Variants in OR6N1 observed in about 807,000 individuals in gnomAD.
OR6N1 encodes the protein olfactory receptor 6N1.
For missense variants in OR6N1, 394 were observed against 371.7 expected, an observed-to-expected ratio of 1.06 and a Z score of -0.49; for synonymous variants, 170 against 150.7, an observed-to-expected ratio of 1.13 and a Z score of -0.94.
the OR6N1 span, among the ~76,000 whole-genome samples, chr1:158,804,899 T>C: frequency 6.6e-6 from 1 of 152,150 alleles, no homozygotes; most frequent in Non-Finnish European, 1.5e-5. Flanking sequence ...TTGCTTCCCT[T>C]AAGATATTTA....
At chr1:158,772,849 C>T (rs959225092), upstream of OR6N1, among the ~76,000 whole-genome samples, 15 of 152,090 alleles carry the variant, frequency 9.9e-5, no homozygotes, top group African/African-American at 3.6e-4. Flanking sequence ...ATACTCTTGC[C>T]ACAAAATAAA....
chr1:158,822,249 G>C, the OR6N1 span, among the ~76,000 whole-genome samples: 2 of 152,064 alleles, frequency 1.3e-5, no homozygotes, highest in African/African-American at 4.8e-5. Context: ...GAGTGTCATA[G>C]GTCATTTGAT....
chr1:158,802,473 T>G, the OR6N1 span, among the ~76,000 whole-genome samples: 5 of 152,002 alleles, frequency 3.3e-5, no homozygotes, highest in Admixed American at 2.6e-4. Flanking sequence ...CTCCCCGTCA[T>G]AGCTTTTCAT....
chr1:158,769,331 T>G (rs1160973801), intron 1 of OR6N1, among the ~76,000 whole-genome samples: 1 of 151,930 alleles, frequency 6.6e-6, no homozygotes, highest in South Asian at 2.1e-4. Flanking sequence ...GCCTGGCTAA[T>G]TTTTGTGTTT....
the OR6N1 span, among the ~76,000 whole-genome samples, chr1:158,784,097 C>T: frequency 2.6e-5 from 4 of 151,970 alleles, no homozygotes; most frequent in Admixed American, 6.5e-5. Context: ...CGGAGCGAGA[C>T]TCCCTCTAAA....
the OR6N1 span, among the ~76,000 whole-genome samples, chr1:158,785,514 T>TAAC: frequency 0.12 from 18,940 of 152,128 alleles, 1,528 homozygotes; most frequent in South Asian, 0.35. Flanking sequence ...TAAATTCTCC[T>TAAC]AACAATACTC....
chr1:158,814,958 C>T, the OR6N1 span, among the ~76,000 whole-genome samples: 3 of 152,142 alleles, frequency 2.0e-5, no homozygotes, highest in East Asian at 5.8e-4. Context: ...TCCACTTGGT[C>T]ATTCAAAGGA....
the OR6N1 span, among the ~76,000 whole-genome samples, chr1:158,793,628 G>T: frequency 3.9e-5 from 6 of 152,286 alleles, no homozygotes; most frequent in East Asian, 1.9e-4. Flanking sequence ...GTGTAAGCAG[G>T]TTCACTGTCT....
At chr1:158,807,110 A>G in the OR6N1 span, among the ~76,000 whole-genome samples, 5 of 152,086 alleles carry the variant, frequency 3.3e-5, no homozygotes, top group East Asian at 9.6e-4. Flanking sequence ...TTACAGACAG[A>G]GAGAATGAGG....
chr1:158,812,761 A>G, the OR6N1 span, among the ~76,000 whole-genome samples: 1 of 152,212 alleles, frequency 6.6e-6, no homozygotes, highest in Non-Finnish European at 1.5e-5. Flanking sequence ...CTATTTTCCA[A>G]GAAAAAATGT....
chr1:158,777,136 G>T (rs773345517), upstream of OR6N1: 74 of 1,614,050 alleles, frequency 4.6e-5, no homozygotes, highest in Non-Finnish European at 6.0e-5. Flanking sequence ...AGCACAAAAT[G>T]GGAGCTGGGA....
chr1:158,810,274 G>A, the OR6N1 span, among the ~76,000 whole-genome samples: 42 of 151,994 alleles, frequency 2.8e-4, no homozygotes, highest in African/African-American at 1.0e-3. Context: ...GTCTTCTTTG[G>A]CTACTCTCAT....
chr1:158,816,392 AGATAAATTTTTTGC>A, the OR6N1 span, among the ~76,000 whole-genome samples: 2 of 152,094 alleles, frequency 1.3e-5, no homozygotes, highest in Non-Finnish European at 2.9e-5. Flanking sequence ...GGTCAAAGAG[AGATAAATTTTTTGC>A]CCAGGCTGGG....
the OR6N1 span, among the ~76,000 whole-genome samples, chr1:158,817,093 A>G: frequency 6.6e-6 from 1 of 152,258 alleles, no homozygotes; most frequent in African/African-American, 2.4e-5. Flanking sequence ...TTATAAAGGT[A>G]TGAAAAGGGT....
At chr1:158,775,772 A>C (rs550788614), upstream of OR6N1, 10 of 152,306 alleles carry the variant, frequency 6.6e-5, no homozygotes, top group African/African-American at 2.4e-4. Context: ...TTAATAATTG[A>C]TTGGAATTAT....
chr1:158,796,611 C>T, the OR6N1 span, among the ~76,000 whole-genome samples: 6 of 152,124 alleles, frequency 3.9e-5, no homozygotes, highest in African/African-American at 9.7e-5. Flanking sequence ...TTTTCTGATA[C>T]ATTTCTAAAT....
the OR6N1 span, among the ~76,000 whole-genome samples, chr1:158,806,115 T>G: frequency 6.6e-6 from 1 of 152,170 alleles, no homozygotes; most frequent in African/African-American, 2.4e-5. Context: ...GGGCCCATAA[T>G]AGTTCCTGCA....
chr1:158,837,135 A>C, the OR6N1 span, among the ~76,000 whole-genome samples: 7 of 151,978 alleles, frequency 4.6e-5, no homozygotes, highest in South Asian at 1.5e-3. Context: ...TGTTGGGACA[A>C]TGTTCCATAT....
At chr1:158,770,966 A>G (rs143341201) in intron 1 of OR6N1, among the ~76,000 whole-genome samples, 17 of 152,248 alleles carry the variant, frequency 1.1e-4, no homozygotes, top group African/African-American at 4.1e-4. Context: ...AAACAACCCT[A>G]TTGCTCTGGT....
Sources: gnomAD v4.1 joint callset for allele counts (sites outside exome capture counted in the v4.1 genomes callset) on GRCh38, gnomAD v4.1.1 for gene constraint, MANE v1.5 for transcripts, NCBI Gene and HGNC (gene_info 2026-07-23, HGNC 2026-07-21) for gene names.